ANGPT1: variants seen among roughly 807,000 people sequenced by gnomAD.
ANGPT1 encodes angiopoietin 1, also known as angiopoietin-1.
Under a neutral mutation model 62.2 loss-of-function variants are expected in ANGPT1, and 17 were observed. The ratio of observed to expected loss-of-function variants is 0.27; its 90% confidence interval spans 0.19 to 0.41. The LOEUF is 0.41. Among genes scored for constraint, ANGPT1 ranks in the 10% least tolerant of loss-of-function variants. The pLI is 1.00. For synonymous variants in ANGPT1, 199 were observed against 198.9 expected, an observed-to-expected ratio of 1.00 and a Z score of 0.00; for missense variants, 478 against 594.9, an observed-to-expected ratio of 0.80 and a Z score of 2.04.
chr8:107,397,414 G>C (rs1454255544), intron 1 of ANGPT1, among the ~76,000 whole-genome samples: 1 of 149,968 alleles, frequency 6.7e-6, no homozygotes, highest in Non-Finnish European at 1.5e-5. Context: ...GTAACATGAG[G>C]GGATTTTTTC....
chr8:107,280,198 CT>C (rs948385225), intron 7 of ANGPT1, among the ~76,000 whole-genome samples: 4 of 151,408 alleles, frequency 2.6e-5, no homozygotes, highest in Non-Finnish European at 4.4e-5. Flanking sequence ...TACTTTCTTT[CT>C]TTTTTTATTT....
intron 5 of ANGPT1, chr8:107,294,993 G>C (rs984231515): frequency 2.0e-5 from 3 of 152,172 alleles, no homozygotes; most frequent in African/African-American, 4.8e-5. Context: ...GCAGCAAGCA[G>C]GCTATGAGGA....
intron 1 of ANGPT1, among the ~76,000 whole-genome samples, chr8:107,361,067 G>A (rs1816151438): frequency 6.6e-6 from 1 of 152,078 alleles, no homozygotes; most frequent in Non-Finnish European, 1.5e-5. Flanking sequence ...ATATGGATTA[G>A]TATCATGTTT....
chr8:107,483,121 T>C (rs534094975), intron 1 of ANGPT1, among the ~76,000 whole-genome samples: 20 of 152,308 alleles, frequency 1.3e-4, no homozygotes, highest in African/African-American at 4.8e-4. Flanking sequence ...TTAGATCCAA[T>C]GGAAGACATT....
At chr8:107,439,100 A>G (rs1262226910) in intron 1 of ANGPT1, among the ~76,000 whole-genome samples, 3 of 152,202 alleles carry the variant, frequency 2.0e-5, no homozygotes, top group African/African-American at 4.8e-5. Context: ...AGAAAAAAAG[A>G]AAGTTTAGAT....
chr8:107,280,718 G>A lies in ANGPT1; in HGVS notation c.1205+3964C>T, dbSNP rs571619347. ...TAGGGAGAGTGTATGGCAGCAATAG[G>A]TGCATAATTAGGTAGTGGCCAGGTC... On this transcript the variant is annotated intron_variant, in intron 7 of 8. Coordinates refer to ENST00000517746, the MANE Select transcript of ANGPT1 (RefSeq NM_001146.5). Among the ~76,000 whole-genome samples, 16 of 152,246 alleles carry A rather than the reference G, an allele frequency of 1.1e-4. No individual in the cohort carries two copies. The South Asian group carries it at 3.1e-3, about 30-fold the overall frequency.
At chr8:107,415,933 G>A (rs559288646) in intron 1 of ANGPT1, among the ~76,000 whole-genome samples, 28 of 152,084 alleles carry the variant, frequency 1.8e-4, no homozygotes, top group South Asian at 8.3e-4. Flanking sequence ...CAGATGGTTC[G>A]TTGCCATATT....
At chr8:107,483,850 C>A (rs1812748749) in intron 1 of ANGPT1, among the ~76,000 whole-genome samples, 1 of 152,092 alleles carries the variant, frequency 6.6e-6, no homozygotes, top group Admixed American at 6.6e-5. Context: ...CCAACTAAGG[C>A]AATTTGTCTA....
At chr8:107,343,580 C>T (rs576253995) in intron 2 of ANGPT1, among the ~76,000 whole-genome samples, 92 of 152,266 alleles carry the variant, frequency 6.0e-4, no homozygotes, top group African/African-American at 2.0e-3. Context: ...ATTATACTTC[C>T]GCAAGTAGGA....
intron 1 of ANGPT1, among the ~76,000 whole-genome samples, chr8:107,451,634 G>A (rs1255026290): frequency 6.6e-6 from 1 of 151,840 alleles, no homozygotes; most frequent in Non-Finnish European, 1.5e-5. Context: ...TAAATCATTT[G>A]GACAATGATT....
intron 1 of ANGPT1, among the ~76,000 whole-genome samples, chr8:107,428,414 G>A (rs1251253059): frequency 1.3e-5 from 2 of 152,166 alleles, no homozygotes; most frequent in Non-Finnish European, 2.9e-5. Flanking sequence ...AATAGACTTT[G>A]CAAAGTGCAA....
intron 1 of ANGPT1, among the ~76,000 whole-genome samples, chr8:107,385,311 C>A (rs1265727674): frequency 1.3e-5 from 2 of 152,048 alleles, no homozygotes; most frequent in East Asian, 3.9e-4. Context: ...TTTCTTTCAG[C>A]AGTGTTTTGT....
At chr8:107,460,491 T>C (rs1452358220) in intron 1 of ANGPT1, among the ~76,000 whole-genome samples, 1 of 152,196 alleles carries the variant, frequency 6.6e-6, no homozygotes, top group East Asian at 1.9e-4. Flanking sequence ...TGTGCACGTA[T>C]AGATGAGTGC....
intron 1 of ANGPT1, among the ~76,000 whole-genome samples, chr8:107,464,736 T>G (rs1043833655): frequency 1.3e-5 from 2 of 152,166 alleles, no homozygotes. Context: ...AAGGATCAAC[T>G]GAGTGAATAC....
intron 4 of ANGPT1, among the ~76,000 whole-genome samples, chr8:107,310,930 A>G (rs1032607531): frequency 2.2e-5 from 3 of 134,266 alleles, no homozygotes; most frequent in African/African-American, 7.8e-5. Context: ...TGTATGTGTT[A>G]GTGTGAGTGT....
At chr8:107,369,325 C>A (rs1583302) in intron 1 of ANGPT1, among the ~76,000 whole-genome samples, 113,333 of 152,082 alleles carry the variant, frequency 0.75, 43,097 homozygotes, top group East Asian at 0.87. Context: ...AAGAGAGTTA[C>A]GCCTTGCTCT....
intron 1 of ANGPT1, among the ~76,000 whole-genome samples, chr8:107,376,780 A>C (rs1011448855): frequency 6.6e-6 from 1 of 152,190 alleles, no homozygotes; most frequent in Non-Finnish European, 1.5e-5. Context: ...CTAAATTCCA[A>C]AATTTTTACA....
intron 1 of ANGPT1, among the ~76,000 whole-genome samples, chr8:107,455,944 T>C (rs1198911956): frequency 6.6e-6 from 1 of 152,054 alleles, no homozygotes; most frequent in Non-Finnish European, 1.5e-5. Flanking sequence ...ACAAAAAGCA[T>C]GTTTTTATAA....
intron 1 of ANGPT1, among the ~76,000 whole-genome samples, chr8:107,468,047 G>C (rs569615251): frequency 2.0e-5 from 3 of 152,150 alleles, no homozygotes; most frequent in East Asian, 3.9e-4. Context: ...ATTCTTTCCA[G>C]AGGGAAATGA....
Sources: gnomAD v4.1 joint callset for allele counts (sites outside exome capture counted in the v4.1 genomes callset) on GRCh38, gnomAD v4.1.1 for gene constraint, MANE v1.5 for transcripts, NCBI Gene and HGNC (gene_info 2026-07-23, HGNC 2026-07-21) for gene names.